Variants in CNTNAP3 observed in about 807,000 individuals in gnomAD.
The protein encoded by CNTNAP3 is contactin-associated protein-like 3.
CNTNAP3 carries 36 observed loss-of-function variants against 92.1 expected under a neutral mutation model. That is an observed-to-expected ratio of 0.39 (90% CI 0.30 to 0.52). The LOEUF (loss-of-function observed/expected upper bound fraction) is 0.52, where lower values mean the gene tolerates loss of function less well. CNTNAP3 is among the 20% of genes least tolerant of loss of function. The pLI is 0.76. For synonymous variants in CNTNAP3, 232 were observed against 422.3 expected (o/e 0.55, Z 5.53); for missense variants, 534 against 1,069.6 (o/e 0.50, Z 6.98).
At chr9:39,089,040 G>A (rs1826132046) in intron 18 of CNTNAP3, among the ~76,000 whole-genome samples, 1 of 152,110 alleles carries the variant, frequency 6.6e-6, no homozygotes, top group African/African-American at 2.4e-5. Flanking sequence ...TAATCCATAT[G>A]CCATGTAATA....
chr9:39,119,670 C>T (rs1291580090), intron 13 of CNTNAP3, among the ~76,000 whole-genome samples: 1 of 152,068 alleles, frequency 6.6e-6, no homozygotes, highest in East Asian at 1.9e-4. Context: ...TGAACTTCTA[C>T]ACTGATAAAA....
In CNTNAP3 at chr9:39,078,462, A is replaced by G. The variant is rs758694597; in HGVS notation, c.3674-6T>C. 2 of 1,612,138 alleles carry G rather than the reference A, an allele frequency of 1.2e-6. No individual in the cohort carries two copies. The highest frequency in any genetic ancestry group is 1.7e-6 in the Non-Finnish European group (2 of 1,179,878). The stretch of plus-strand genomic sequence containing the variant: ...ATCCGCTGGTCCAGAACGACCTACA[A>G]CAGGGAAAGGGAGAATGATGTTTAT... On this transcript the variant is annotated splice_region_variant and splice_polypyrimidine_tract_variant and intron_variant, in intron 22 of 23. Transcript: ENST00000297668.
At chr9:39,102,799 G>A (rs1240955658) in intron 16 of CNTNAP3, 84 bp from the exon 17 acceptor site, 28 of 1,109,566 alleles carry the variant, frequency 2.5e-5, no homozygotes, top group Middle Eastern at 2.9e-4. Flanking sequence ...ATGAAGGCAC[G>A]CTCAGGATGG....
chr9:39,119,621 T>C (rs1333211878), intron 13 of CNTNAP3, among the ~76,000 whole-genome samples: 6 of 152,180 alleles, frequency 3.9e-5, no homozygotes, highest in Non-Finnish European at 8.8e-5. Flanking sequence ...AGTAAAAATG[T>C]ATTTTTTTTA....
chr9:39,076,144 T>C (rs1409778655), intron 23 of CNTNAP3, among the ~76,000 whole-genome samples: 3 of 152,310 alleles, frequency 2.0e-5, no homozygotes, highest in African/African-American at 4.8e-5. Flanking sequence ...TCCGTCAATC[T>C]TGCCAGTGAT....
chr9:39,146,253 G>A (rs1051194122), intron 10 of CNTNAP3, among the ~76,000 whole-genome samples: 26 of 152,226 alleles, frequency 1.7e-4, no homozygotes, highest in Admixed American at 1.6e-3. Flanking sequence ...GCACAGCCAG[G>A]TGAGGAGGTG....
chr9:39,095,395 C>T (rs562655306), intron 18 of CNTNAP3, among the ~76,000 whole-genome samples: 7 of 151,458 alleles, frequency 4.6e-5, no homozygotes, highest in Admixed American at 2.0e-4. Context: ...GCATACTTGT[C>T]GTGTTTCTTA....
Position 39,103,744 on chromosome 9 carries a change from C to A in CNTNAP3, c.2536G>T (p.Ala846Ser). 1 of 1,610,040 alleles carries A rather than the reference C, an allele frequency of 6.2e-7. No homozygotes were observed. Among genetic ancestry groups the A allele is most frequent in the South Asian group, 1.1e-5 (1 of 89,676 alleles). The change falls in exon 16 of 24, where the codon GCT becomes TCT. Residue 846 changes from alanine (A) to serine (S), a missense_variant and splice_region_variant. Physicochemically the swap from Ala to Ser is moderately conservative, Grantham distance 99. Transcript: ENST00000297668. ...ITDFIRIELR[A>S]PTEVTFSFDV... ...GACTTGTCCAGAGTGGCGAGCTTAC[C>A]ACGCAGCTCAATCCTGATGAAATCT...
chr9:39,077,720 T>G (rs954319146), intron 23 of CNTNAP3, among the ~76,000 whole-genome samples: 1 of 152,242 alleles, frequency 6.6e-6, no homozygotes, highest in African/African-American at 2.4e-5. Flanking sequence ...TTGAACATAA[T>G]TACTTCAGGT....
chr9:39,129,722 C>A (rs1262681044), intron 13 of CNTNAP3, among the ~76,000 whole-genome samples: 1 of 151,934 alleles, frequency 6.6e-6, no homozygotes, highest in African/African-American at 2.4e-5. Flanking sequence ...AAAATATTTG[C>A]AAATCACATA....
At chr9:39,074,788 A>T (rs976250250) in intron 23 of CNTNAP3, among the ~76,000 whole-genome samples, 6 of 152,062 alleles carry the variant, frequency 3.9e-5, no homozygotes, top group African/African-American at 1.2e-4. Context: ...TTTTTTTCTG[A>T]GACGGAGTCT....
intron 18 of CNTNAP3, among the ~76,000 whole-genome samples, chr9:39,091,171 C>CT (rs201329360): frequency 0.14 from 18,395 of 129,344 alleles, 468 homozygotes; most frequent in East Asian, 0.24. Context: ...TTTTCTTCTT[C>CT]TTTTTTTTTT....
intron 12 of CNTNAP3, among the ~76,000 whole-genome samples, chr9:39,137,087 C>T (rs914423669): frequency 6.6e-6 from 1 of 151,618 alleles, no homozygotes; most frequent in Non-Finnish European, 1.5e-5. Context: ...TCCTTTCTTT[C>T]TTTCTTCTCC....
At chr9:39,149,380 C>T (rs983598830) in intron 10 of CNTNAP3, among the ~76,000 whole-genome samples, 16 of 151,538 alleles carry the variant, frequency 1.1e-4, no homozygotes, top group Non-Finnish European at 8.8e-5. Flanking sequence ...GACGCAGTCT[C>T]GCTCTGTCGC....
At chr9:39,131,486 G>A (rs1433279248) in intron 13 of CNTNAP3, among the ~76,000 whole-genome samples, 2 of 151,736 alleles carry the variant, frequency 1.3e-5, no homozygotes, top group Non-Finnish European at 2.9e-5. Flanking sequence ...ACCCTGGGAA[G>A]GGACCCAGAT....
At chr9:39,151,618 T>C (rs1246976112) in intron 9 of CNTNAP3, among the ~76,000 whole-genome samples, 2 of 142,870 alleles carry the variant, frequency 1.4e-5, no homozygotes, top group Middle Eastern at 7.0e-3. Flanking sequence ...TTATATAATA[T>C]GCCATAGACC....
intron 17 of CNTNAP3, among the ~76,000 whole-genome samples, chr9:39,102,220 C>T (rs1219050947): frequency 1.3e-5 from 2 of 152,282 alleles, no homozygotes; most frequent in Non-Finnish European, 2.9e-5. Context: ...GTGGAGGTTT[C>T]AGTGGGCTGA....
intron 9 of CNTNAP3, among the ~76,000 whole-genome samples, chr9:39,158,464 CTG>C (rs948338641): frequency 1.3e-4 from 10 of 76,478 alleles, no homozygotes; most frequent in Non-Finnish European, 1.7e-4. Context: ...CATAATGATA[CTG>C]TGTTATTTAC....
intron 13 of CNTNAP3, among the ~76,000 whole-genome samples, chr9:39,127,967 T>C (rs960779166): frequency 6.6e-6 from 1 of 152,036 alleles, no homozygotes; most frequent in African/African-American, 2.4e-5. Context: ...GCCTCCTGAG[T>C]AGCTGGGATT....
Sources: allele counts gnomAD v4.1 joint callset (sites outside exome capture counted in the v4.1 genomes callset), GRCh38; gene constraint gnomAD v4.1.1; transcripts MANE v1.5; gene names NCBI Gene and HGNC (gene_info 2026-07-23, HGNC 2026-07-21).